VWA5B1: variants seen among roughly 807,000 people sequenced by gnomAD.
VWA5B1 encodes the protein von Willebrand factor A domain-containing protein 5B1.
VWA5B1 carries 115 observed loss-of-function variants against 118.2 expected under a neutral mutation model. The observed-to-expected ratio is 0.97, with a 90% CI of 0.84 to 1.14. The LOEUF (loss-of-function observed/expected upper bound fraction) is 1.14, where lower values mean the gene tolerates loss of function less well. VWA5B1 is among the 50% of genes most tolerant of loss of function. The probability of loss-of-function intolerance (pLI) is 0.00; values close to 1 mark genes in which losing one functional copy is unlikely to be tolerated. For synonymous variants in VWA5B1, 682 were observed against 658.4 expected (o/e 1.04, Z -0.55); for missense variants, 1,596 against 1,603.8 (o/e 1.00, Z 0.08).
chr1:20,337,905 C>T (rs1471523521), intron 14 of VWA5B1, 69 bp downstream of exon 14: 1 of 1,543,278 alleles, frequency 6.5e-7, no homozygotes, highest in African/African-American at 1.4e-5. Context: ...GTGTCCCCTG[C>T]TTCAACCGCA....
At position 20,352,166 on chromosome 1, in the gene VWA5B1, ACCTCTGGTGAGTG is replaced by A; in HGVS notation, c.3138_3141+9del. The A allele has an allele frequency of 6.5e-7, 1 of 1,550,334 alleles. No homozygotes were observed. Among genetic ancestry groups the A allele is most frequent in the Non-Finnish European group, 8.7e-7 (1 of 1,146,516 alleles). On this transcript the variant is annotated splice_donor_variant and splice_donor_5th_base_variant and coding_sequence_variant and intron_variant, in exon 21 of 22. Coordinates refer to ENST00000289815, the MANE Select transcript of VWA5B1 (RefSeq NM_001039500.3). LOFTEE classifies it high-confidence loss of function. The stretch of plus-strand genomic sequence containing the variant: ...CCGGGAACCAGAGCTTCGACTACAT[ACCTCTGGTGAGTG>A]CCCTGACCCCAGGTGTCAGTCTCCC...
intron 14 of VWA5B1, 184 bp downstream of exon 14, chr1:20,338,020 C>A (rs746074395): frequency 5.5e-5 from 42 of 769,382 alleles, no homozygotes; most frequent in South Asian, 5.3e-4. Context: ...AATCAGGACA[C>A]CCACCGGTCA....
At chr1:20,333,898 A>G (rs990922207) in intron 12 of VWA5B1, among the ~76,000 whole-genome samples, 4 of 152,200 alleles carry the variant, frequency 2.6e-5, no homozygotes, top group Non-Finnish European at 5.9e-5. Context: ...CTCAATGCCT[A>G]TAGAAATTGG....
intron 18 of VWA5B1, among the ~76,000 whole-genome samples, chr1:20,349,704 TTC>T (rs1469464131): frequency 6.6e-6 from 1 of 150,812 alleles, no homozygotes; most frequent in Non-Finnish European, 1.5e-5. Context: ...CTTGAAATTG[TTC>T]TCTGATTCAT....
At chr1:20,353,418 C>T (rs896669513) in intron 21 of VWA5B1, among the ~76,000 whole-genome samples, 1 of 152,064 alleles carries the variant, frequency 6.6e-6, no homozygotes, top group African/African-American at 2.4e-5. Flanking sequence ...GAAAGTAGAC[C>T]TGTTGAGACT....
At chr1:20,319,946 G>A (rs2089154700) in intron 7 of VWA5B1, among the ~76,000 whole-genome samples, 1 of 150,962 alleles carries the variant, frequency 6.6e-6, no homozygotes, top group African/African-American at 2.4e-5. Context: ...CAAAGGCAGA[G>A]TGGGGAAAGC....
chr1:20,318,858 G>T, intron 6 of VWA5B1, 137 bp downstream of exon 6: 1 of 1,321,048 alleles, frequency 7.6e-7, no homozygotes, highest in Non-Finnish European at 9.9e-7. Flanking sequence ...TGTGGCCAAG[G>T]AGAGGAGACC....
intron 4 of VWA5B1, among the ~76,000 whole-genome samples, chr1:20,316,437 G>A (rs76573946): frequency 0.028 from 4,221 of 152,272 alleles, 91 homozygotes; most frequent in South Asian, 0.069. Context: ...GTTTTAAGAC[G>A]TAACACGGTG....
intron 1 of VWA5B1, among the ~76,000 whole-genome samples, 173 bp from the exon 2 acceptor site, chr1:20,310,403 A>T (rs755696002): frequency 6.6e-6 from 1 of 152,198 alleles, no homozygotes; most frequent in Non-Finnish European, 1.5e-5. Context: ...TTCTCTTCTC[A>T]GGGGAGATTG....
intron 1 of VWA5B1, among the ~76,000 whole-genome samples, chr1:20,307,201 C>T (rs532269108): frequency 6.6e-6 from 1 of 152,350 alleles, no homozygotes; most frequent in African/African-American, 2.4e-5. Flanking sequence ...GACACCATTC[C>T]GAAGACTGAG....
rs1377952617 is a variant in VWA5B1, at chr1:20,306,017, C to T, written c.-26-4559C>T. Among the ~76,000 whole-genome samples, 5 of 152,038 alleles carry T rather than the reference C, an allele frequency of 3.3e-5. 1 individual carries two copies. Among genetic ancestry groups the T allele is most frequent in the African/African-American group, 1.2e-4 (5 of 41,406 alleles). On this transcript the variant is annotated intron_variant, in intron 1 of 21. Transcript: ENST00000289815. ...AGCACAGTTCAAGGTACTAAGGATG[C>T]ATCGATAAGAAAAACAGGCCCCAAT...
At chr1:20,350,042 C>G (rs2090094686) in intron 18 of VWA5B1, 114 bp from the exon 19 acceptor site, 7 of 1,081,240 alleles carry the variant, frequency 6.5e-6, no homozygotes, top group East Asian at 2.6e-5. Flanking sequence ...GAAACCCTAG[C>G]CTTGTTCCCC....
intron 1 of VWA5B1, among the ~76,000 whole-genome samples, chr1:20,292,513 G>A (rs7544907): frequency 0.12 from 18,326 of 152,218 alleles, 1,557 homozygotes; most frequent in African/African-American, 0.23. Flanking sequence ...GACGTGTATC[G>A]GGGAACTACA....
chr1:20,331,736 G>A (rs2089560876), intron 11 of VWA5B1, among the ~76,000 whole-genome samples: 1 of 152,056 alleles, frequency 6.6e-6, no homozygotes, highest in South Asian at 2.1e-4. Context: ...GGCTTCCAGG[G>A]AGAGAGATGG....
chr1:20,317,927 G>A (rs1467836325), intron 5 of VWA5B1, among the ~76,000 whole-genome samples: 1 of 151,662 alleles, frequency 6.6e-6, no homozygotes, highest in Admixed American at 6.6e-5. Context: ...CATGGGGAAT[G>A]GTGGCCCTTG....
chr1:20,332,733 A>C, intron 11 of VWA5B1, 33 bp from the exon 12 acceptor site: 1 of 1,547,418 alleles, frequency 6.5e-7, no homozygotes, highest in Non-Finnish European at 8.7e-7. Context: ...CTTCTCATAC[A>C]TCCCCCAACT....
At position 20,354,154 on chromosome 1, in the gene VWA5B1, G is replaced by A. The variant is rs768841143; in HGVS notation, c.3539G>A (p.Arg1180His). Reference sequence around the variant, plus strand: ...GAGCAGCAGGAAGTACCCGAGGGCCGCACGCAGGGCACACTCAAGGCCGCT... The same window carrying A: ...GAGCAGCAGGAAGTACCCGAGGGCCACACGCAGGGCACACTCAAGGCCGCT... ...WLEQQEVPEGRTQGTLKAAAR... is the reference protein window; with the variant it reads ...WLEQQEVPEGHTQGTLKAAAR... The change falls in exon 22 of 22, where the codon CGC (arginine) becomes CAC (histidine). Residue 1180 changes from arginine to histidine, a missense_variant. Arg to His is a conservative substitution (Grantham distance 29). Coordinates refer to ENST00000289815, the MANE Select transcript of VWA5B1 (RefSeq NM_001039500.3). The A allele has an allele frequency of 1.3e-5, 20 of 1,551,246 alleles. No homozygotes were observed. The highest frequency in any genetic ancestry group is 5.9e-5 in the Admixed American group (3 of 50,996).
chr1:20,310,363 C>T (rs1411489624), intron 1 of VWA5B1, among the ~76,000 whole-genome samples: 1 of 152,156 alleles, frequency 6.6e-6, no homozygotes, highest in Non-Finnish European at 1.5e-5. Context: ...AGTTTCTCTA[C>T]CTGTAAAATG....
Position 20,309,540 on chromosome 1 carries a change from G to A in VWA5B1, c.-26-1036G>A, listed in dbSNP as rs573723087. On this transcript the variant is annotated intron_variant, in intron 1 of 21. Transcript: ENST00000289815. ...TCCGGAGTGGAAACTGCTGGGACCC[G>A]CAGGGTGTGTTTGGGGACCGTGGTG... Among the ~76,000 whole-genome samples, 44 of 152,332 alleles carry A rather than the reference G, an allele frequency of 2.9e-4. 1 individual carries two copies. The highest frequency in any genetic ancestry group is 7.9e-4 in the African/African-American group (33 of 41,580).
Sources: gnomAD v4.1 joint callset for allele counts (sites outside exome capture counted in the v4.1 genomes callset) on GRCh38, gnomAD v4.1.1 for gene constraint, MANE v1.5 for transcripts, NCBI Gene and HGNC (gene_info 2026-07-23, HGNC 2026-07-21) for gene names.